The following RNF150 variants were observed in gnomAD, a reference collection of about 807,000 sequenced individuals.
RNF150 encodes ring finger protein 150.
RNF150 carries 24 observed loss-of-function variants against 39.3 expected under a neutral mutation model. That is an observed-to-expected ratio of 0.61 (90% CI 0.44 to 0.86). The LOEUF (loss-of-function observed/expected upper bound fraction) is 0.86, where lower values mean the gene tolerates loss of function less well. Among genes scored for constraint, RNF150 ranks in the 40% least tolerant of loss-of-function variants. The pLI is 0.00. For synonymous variants in RNF150, 255 were observed against 227.3 expected (o/e 1.12, Z -1.10); for missense variants, 502 against 587.8 (o/e 0.85, Z 1.51).
At chr4:140,949,521 G>C in intron 2 of RNF150, 149 bp from the exon 3 acceptor site, 1 of 659,872 alleles carries the variant, frequency 1.5e-6, no homozygotes, top group Non-Finnish European at 2.6e-6. Flanking sequence ...AGACAGGGCA[G>C]TGGCATTTGT....
chr4:141,112,610 G>A (rs899415337), intron 1 of RNF150, among the ~76,000 whole-genome samples: 1 of 152,120 alleles, frequency 6.6e-6, no homozygotes, highest in African/African-American at 2.4e-5. Context: ...TGTCTGATGG[G>A]CTTCACTTTG....
chr4:140,903,453 A>C (rs1730263332), intron 6 of RNF150, among the ~76,000 whole-genome samples: 1 of 152,144 alleles, frequency 6.6e-6, no homozygotes, highest in Admixed American at 6.6e-5. Context: ...TTTAGAATCG[A>C]AATGCAAACA....
At chr4:140,922,815 G>A (rs992595088) in intron 5 of RNF150, among the ~76,000 whole-genome samples, 31 of 151,152 alleles carry the variant, frequency 2.1e-4, no homozygotes, top group South Asian at 8.3e-4. Flanking sequence ...AAATAATGCC[G>A]CATATCTACA....
chr4:141,186,703 C>T (rs1479758956), intron 1 of RNF150, among the ~76,000 whole-genome samples: 1 of 152,162 alleles, frequency 6.6e-6, no homozygotes, highest in African/African-American at 2.4e-5. Flanking sequence ...CTGCACCTGG[C>T]CACTTTATCA....
At chr4:141,103,287 A>T (rs1329157957) in intron 1 of RNF150, among the ~76,000 whole-genome samples, 1 of 152,238 alleles carries the variant, frequency 6.6e-6, no homozygotes, top group Non-Finnish European at 1.5e-5. Flanking sequence ...TATGTCAGAA[A>T]AGACTAGCCT....
intron 1 of RNF150, among the ~76,000 whole-genome samples, chr4:141,050,191 G>A (rs1736724508): frequency 6.6e-6 from 1 of 152,106 alleles, no homozygotes; most frequent in Non-Finnish European, 1.5e-5. Flanking sequence ...TAGGGAGCTT[G>A]AAGAAATGAA....
intron 1 of RNF150, among the ~76,000 whole-genome samples, chr4:141,131,089 C>A (rs1369733352): frequency 6.6e-6 from 1 of 152,176 alleles, no homozygotes; most frequent in Non-Finnish European, 1.5e-5. Flanking sequence ...GTGTTGATTA[C>A]TGGAGGCAAA....
chr4:140,918,578 G>A (rs1179513668), intron 5 of RNF150, among the ~76,000 whole-genome samples: 1 of 151,880 alleles, frequency 6.6e-6, no homozygotes, highest in Admixed American at 6.6e-5. Flanking sequence ...AGGTCCAGAT[G>A]GATTCACAGC....
intron 1 of RNF150, among the ~76,000 whole-genome samples, chr4:141,186,561 G>T (rs551348812): frequency 7.9e-5 from 11 of 139,992 alleles, no homozygotes; most frequent in Admixed American, 1.5e-4. Context: ...ACCATGCCCG[G>T]CTATTTTTTT....
chr4:141,097,119 A>G (rs1431174984), intron 1 of RNF150, among the ~76,000 whole-genome samples: 2 of 152,188 alleles, frequency 1.3e-5, no homozygotes, highest in Non-Finnish European at 2.9e-5. Flanking sequence ...ACTATTATTT[A>G]CCAAAACAGA....
intron 1 of RNF150, among the ~76,000 whole-genome samples, chr4:141,139,964 C>A (rs1727091254): frequency 6.6e-6 from 1 of 152,146 alleles, no homozygotes; most frequent in South Asian, 2.1e-4. Flanking sequence ...TGCTTAATTT[C>A]TTTGTTCATT....
chr4:141,200,682 C>T lies in RNF150; in HGVS notation c.-6+12112G>A, dbSNP rs537745087. Among the ~76,000 whole-genome samples, 7 of 152,258 alleles carry T rather than the reference C, an allele frequency of 4.6e-5. No individual in the cohort carries two copies. In the East Asian group the frequency reaches 1.4e-3, roughly 29 times the overall value. On this transcript the variant is annotated intron_variant, in intron 1 of 7. Transcript: ENST00000420921. ...TGTGTGTGTTGGGAGAAAACACAAA[C>T]ATTCAGTCCATTGCAGGCTCTTCTG...
At chr4:140,982,935 C>T (rs1341461657) in intron 1 of RNF150, among the ~76,000 whole-genome samples, 5 of 152,136 alleles carry the variant, frequency 3.3e-5, no homozygotes, top group Admixed American at 6.6e-5. Flanking sequence ...GCATTATAGA[C>T]TTGTTCTGGC....
intron 1 of RNF150, among the ~76,000 whole-genome samples, chr4:141,009,792 TC>T (rs1735006996): frequency 6.6e-6 from 1 of 152,190 alleles, no homozygotes; most frequent in Non-Finnish European, 1.5e-5. Context: ...TCCTTTTTCA[TC>T]CTTATTATAT....
At chr4:140,936,354 CCAAA>C (rs1352138756) in intron 4 of RNF150, among the ~76,000 whole-genome samples, 1 of 152,152 alleles carries the variant, frequency 6.6e-6, no homozygotes, top group African/African-American at 2.4e-5. Context: ...GTGGAAACTG[CCAAA>C]CAAATTTCCA....
At chr4:140,928,518 T>C (rs896152198) in intron 4 of RNF150, among the ~76,000 whole-genome samples, 3 of 152,200 alleles carry the variant, frequency 2.0e-5, no homozygotes, top group African/African-American at 4.8e-5. Flanking sequence ...TTGACCTCCC[T>C]ATGTTCAGGA....
chr4:140,870,452 GTGTA>G (rs991868019), intron 6 of RNF150, among the ~76,000 whole-genome samples: 5 of 133,670 alleles, frequency 3.7e-5, no homozygotes, highest in South Asian at 2.5e-4. Context: ...CATTTTGTGC[GTGTA>G]TGTGTGTGTG....
intron 1 of RNF150, among the ~76,000 whole-genome samples, chr4:141,043,790 C>A (rs1389155064): frequency 6.6e-6 from 1 of 151,936 alleles, no homozygotes; most frequent in East Asian, 1.9e-4. Context: ...GGTAATCCTA[C>A]AAGAGAAAAT....
intron 6 of RNF150, among the ~76,000 whole-genome samples, chr4:140,879,475 T>G (rs1729294653): frequency 6.6e-6 from 1 of 152,250 alleles, no homozygotes; most frequent in Non-Finnish European, 1.5e-5. Context: ...AGTATTTTAC[T>G]TTTTTGATGC....
Sources: gnomAD v4.1 joint callset for allele counts (sites outside exome capture counted in the v4.1 genomes callset) on GRCh38, gnomAD v4.1.1 for gene constraint, MANE v1.5 for transcripts, NCBI Gene and HGNC (gene_info 2026-07-23, HGNC 2026-07-21) for gene names.